Variants in LRRC49 observed in about 807,000 individuals in gnomAD.
LRRC49 encodes the protein leucine-rich repeat-containing protein 49.
Under a neutral mutation model 83.3 loss-of-function variants are expected in LRRC49, and 50 were observed. That is an observed-to-expected ratio of 0.60 (90% CI 0.48 to 0.76). The LOEUF (loss-of-function observed/expected upper bound fraction) is 0.76, where lower values mean the gene tolerates loss of function less well. Ranked by LOEUF, LRRC49 falls within the 30% of genes least tolerant of loss-of-function variation. LRRC49 has a pLI of 0.00. For missense variants in LRRC49, 704 were observed against 809.1 expected, an observed-to-expected ratio of 0.87 and a Z score of 1.58; for synonymous variants, 286 against 283.3, an observed-to-expected ratio of 1.01 and a Z score of -0.10.
chr15:70,910,869 A>T (rs1049498885), intron 5 of LRRC49, among the ~76,000 whole-genome samples: 2 of 152,194 alleles, frequency 1.3e-5, no homozygotes, highest in East Asian at 1.9e-4. Flanking sequence ...GAGATTTTTT[A>T]AAAATATAAA....
chr15:70,918,619 A>T (rs2034884468), intron 6 of LRRC49: 1 of 153,016 alleles, frequency 6.5e-6, no homozygotes, highest in Non-Finnish European at 1.5e-5. Flanking sequence ...AGAATTAATA[A>T]GGGTAACTTG....
chr15:71,003,273 T>A (rs2038332180), intron 11 of LRRC49, among the ~76,000 whole-genome samples: 1 of 152,178 alleles, frequency 6.6e-6, no homozygotes, highest in South Asian at 2.1e-4. Flanking sequence ...GTTGAATTGA[T>A]GAAACTTTGG....
At chr15:70,873,279 C>T in intron 2 of LRRC49, 4 of 1,507,066 alleles carry the variant, frequency 2.7e-6, no homozygotes, top group Non-Finnish European at 2.7e-6. Context: ...CTCTGCTATC[C>T]CCTCACTGAA....
At chr15:70,854,133 C>G (rs1207006041) in intron 1 of LRRC49, 1 of 1,204,836 alleles carries the variant, frequency 8.3e-7, no homozygotes, top group East Asian at 3.4e-5. Flanking sequence ...CGCCGCAAGG[C>G]CCAGCCAGCC....
chr15:70,970,768 G>T (rs547354588), intron 9 of LRRC49, among the ~76,000 whole-genome samples: 6 of 152,272 alleles, frequency 3.9e-5, no homozygotes, highest in Non-Finnish European at 8.8e-5. Context: ...TAGTTTATTT[G>T]CATAGAGGTG....
intron 14 of LRRC49, among the ~76,000 whole-genome samples, chr15:71,032,277 C>G (rs1442751698): frequency 6.6e-6 from 1 of 152,074 alleles, no homozygotes; most frequent in Non-Finnish European, 1.5e-5. Flanking sequence ...GATGCCCCAC[C>G]CTGCTTCTGC....
chr15:70,883,264 T>C (rs566950692), intron 2 of LRRC49, among the ~76,000 whole-genome samples: 3,989 of 152,206 alleles, frequency 0.026, 178 homozygotes, highest in African/African-American at 0.091. Flanking sequence ...CCATCTCGGC[T>C]CACTGCAATC....
intron 8 of LRRC49, among the ~76,000 whole-genome samples, chr15:70,946,449 C>T (rs1246833016): frequency 6.6e-6 from 1 of 152,076 alleles, no homozygotes; most frequent in African/African-American, 2.4e-5. Flanking sequence ...AAATTGTATT[C>T]CACTGTGCAT....
chr15:70,873,010 G>A (rs1007705306), exon 2 of LRRC49: 11 of 565,674 alleles, frequency 1.9e-5, no homozygotes, highest in South Asian at 3.9e-5. Flanking sequence ...TCAGCATCCC[G>A]AGTAGCTGGG....
intron 11 of LRRC49, among the ~76,000 whole-genome samples, chr15:71,004,129 G>C (rs1006660704): frequency 6.6e-6 from 1 of 152,012 alleles, no homozygotes; most frequent in African/African-American, 2.4e-5. Flanking sequence ...ACCTTTTTCT[G>C]CTTCTGAACC....
chr15:70,971,465 CTGTAGATGTCTATTAGGTCCA>C (rs1282438675), intron 9 of LRRC49, among the ~76,000 whole-genome samples: 2 of 152,142 alleles, frequency 1.3e-5, no homozygotes, highest in African/African-American at 4.8e-5. Context: ...GTGGAGAGTT[CTGTAGATGTCTATTAGGTCCA>C]CATGCTCCAG....
chr15:70,893,795 C>T (rs2033698543), intron 2 of LRRC49, 155 bp downstream of exon 2: 2 of 601,970 alleles, frequency 3.3e-6, no homozygotes, highest in Non-Finnish European at 5.7e-6. Flanking sequence ...TTTCTGCCTA[C>T]ATAAAGCTAA....
intron 7 of LRRC49, among the ~76,000 whole-genome samples, chr15:70,924,092 A>G (rs1228468938): frequency 6.6e-6 from 1 of 151,918 alleles, no homozygotes; most frequent in African/African-American, 2.4e-5. Flanking sequence ...AGTCTTCTTT[A>G]ATCTAGAAGA....
chr15:71,021,840 AG>A (rs1202481705), intron 14 of LRRC49, among the ~76,000 whole-genome samples: 1 of 152,194 alleles, frequency 6.6e-6, no homozygotes, highest in Non-Finnish European at 1.5e-5. Flanking sequence ...TCAAAGAAAA[AG>A]CAGAAACATG....
chr15:70,871,385 C>T (rs944283085), intron 1 of LRRC49, among the ~76,000 whole-genome samples: 5 of 152,232 alleles, frequency 3.3e-5, no homozygotes, highest in African/African-American at 1.2e-4. Context: ...TCTGATCTCT[C>T]TTTCCTTTCC....
At chr15:70,889,367 C>CA (rs569371493), upstream of LRRC49, among the ~76,000 whole-genome samples, 12 of 151,490 alleles carry the variant, frequency 7.9e-5, no homozygotes, top group South Asian at 4.2e-4. Context: ...ATCCCCCCCC[C>CA]AAAAAAAAGC....
chr15:70,889,044 T>C (rs556761833), upstream of LRRC49, among the ~76,000 whole-genome samples: 14 of 152,276 alleles, frequency 9.2e-5, no homozygotes, highest in South Asian at 2.3e-3. Flanking sequence ...TTTGGTATTA[T>C]CTACTGAAGT....
upstream of LRRC49, among the ~76,000 whole-genome samples, chr15:70,891,651 A>C (rs1468425156): frequency 6.7e-6 from 1 of 149,494 alleles, no homozygotes; most frequent in Non-Finnish European, 1.5e-5. Flanking sequence ...AGAAGGAATT[A>C]ACTGGGTCAC....
chr15:71,006,632 A>T (rs2038468414), intron 11 of LRRC49, among the ~76,000 whole-genome samples: 1 of 152,176 alleles, frequency 6.6e-6, no homozygotes, highest in South Asian at 2.1e-4. Flanking sequence ...ATATGTATTG[A>T]GCAGAGCATA....
Sources: gnomAD v4.1 joint callset for allele counts (sites outside exome capture counted in the v4.1 genomes callset) on GRCh38, gnomAD v4.1.1 for gene constraint, MANE v1.5 for transcripts, NCBI Gene and HGNC (gene_info 2026-07-23, HGNC 2026-07-21) for gene names.